Variants in HIP1 observed in about 807,000 individuals in gnomAD.
The protein encoded by HIP1 is huntingtin interacting protein 1.
In HIP1, 65 loss-of-function variants were observed where a neutral mutation model predicts 147.6. That is an observed-to-expected ratio of 0.44 (90% CI 0.36 to 0.54). The LOEUF (loss-of-function observed/expected upper bound fraction) is 0.54, where lower values mean the gene tolerates loss of function less well. HIP1 is among the 20% of genes least tolerant of loss of function. The pLI, the probability that HIP1 is intolerant of heterozygous loss-of-function variation, is 0.00. For missense variants in HIP1, 1,061 were observed against 1,299.6 expected (o/e 0.82, Z 2.82); for synonymous variants, 479 against 504.0 (o/e 0.95, Z 0.67).
At chr7:75,636,476 G>A (rs978931574) in intron 1 of HIP1, among the ~76,000 whole-genome samples, 2 of 152,330 alleles carry the variant, frequency 1.3e-5, no homozygotes, top group African/African-American at 2.4e-5. Context: ...GAAAGGCTGC[G>A]TTTGAGGTCA....
chr7:75,557,206 CTT>C (rs2116820125), intron 16 of HIP1, among the ~76,000 whole-genome samples: 1 of 151,848 alleles, frequency 6.6e-6, no homozygotes, highest in African/African-American at 2.4e-5. Flanking sequence ...ACCTGGCTAA[CTT>C]TTGTATTTTT....
intron 5 of HIP1, among the ~76,000 whole-genome samples, chr7:75,582,980 C>T (rs922203012): frequency 6.6e-6 from 1 of 152,136 alleles, no homozygotes; most frequent in Non-Finnish European, 1.5e-5. Context: ...CACCTCTACT[C>T]CATCCCCACT....
chr7:75,719,286 T>C (rs971413941), intron 1 of HIP1, among the ~76,000 whole-genome samples: 17 of 152,064 alleles, frequency 1.1e-4, no homozygotes, highest in South Asian at 8.3e-4. Flanking sequence ...GGGCGGATCA[T>C]GAGGTCAGGA....
rs143148414 is a variant in HIP1 at position 75,537,270 on chromosome 7, G to A, written c.*902C>T. 8 of 232,900 alleles carry A rather than the reference G, an allele frequency of 3.4e-5. No homozygotes were observed. Among genetic ancestry groups the A allele is most frequent in the Middle Eastern group, 1.3e-3 (1 of 784 alleles). The allele number at this position is 232,900 out of a possible 1,614,324, so 14.4% of individuals were successfully genotyped here. On this transcript the variant is annotated 3_prime_UTR_variant, in exon 31 of 31. Transcript: ENST00000336926. ...TAAAGGCGGACAGAGGCTTTCCGCC[G>A]GGATTCAGCTTTAGGAGGGAAAGGC...
chr7:75,724,095 T>A (rs1205230911), intron 1 of HIP1, among the ~76,000 whole-genome samples: 1 of 151,898 alleles, frequency 6.6e-6, no homozygotes, highest in Non-Finnish European at 1.5e-5. Flanking sequence ...TAGTTGGGAT[T>A]ACAGTTGTGA....
chr7:75,665,760 C>T (rs1160955745), intron 1 of HIP1, among the ~76,000 whole-genome samples: 3 of 151,930 alleles, frequency 2.0e-5, no homozygotes, highest in Admixed American at 2.0e-4. Context: ...AGGCTGGTCT[C>T]GAACTCCTGG....
rs114499713 is a variant in HIP1 at position 75,696,959 on chromosome 7, T to A, written c.120+41842A>T. Among the ~76,000 whole-genome samples, 1,137 of 151,390 alleles carry A rather than the reference T, an allele frequency of 7.5e-3. 14 individuals carry two copies. Among genetic ancestry groups the A allele is most frequent in the African/African-American group, 0.026 (1,058 of 41,216 alleles). On this transcript the variant is annotated intron_variant, in intron 1 of 30. Coordinates refer to ENST00000336926, the MANE Select transcript of HIP1 (RefSeq NM_005338.7). Reference sequence around the variant, plus strand: ...TTACAACTCACAGGTCCTCCCCCCATCCCAAAATGCTTCCTTCTGCCTTCC... The same window carrying A: ...TTACAACTCACAGGTCCTCCCCCCAACCCAAAATGCTTCCTTCTGCCTTCC...
At chr7:75,642,364 C>T (rs997597268) in intron 1 of HIP1, among the ~76,000 whole-genome samples, 9 of 152,088 alleles carry the variant, frequency 5.9e-5, no homozygotes, top group African/African-American at 1.2e-4. Flanking sequence ...ATGGTGAAAC[C>T]GTCTCTACTA....
intron 1 of HIP1, chr7:75,611,648 C>T (rs1393767465): frequency 1.6e-5 from 16 of 1,019,294 alleles, no homozygotes; most frequent in East Asian, 6.6e-5. Context: ...GCGGGCAGTG[C>T]GGGGCTGGGT....
At chr7:75,667,754 G>T (rs1554514748) in intron 1 of HIP1, among the ~76,000 whole-genome samples, 1 of 152,256 alleles carries the variant, frequency 6.6e-6, no homozygotes, top group Non-Finnish European at 1.5e-5. Context: ...GCCTCACAAA[G>T]TGCTGGGATT....
In HIP1 at chr7:75,681,889, G is replaced by C. The variant is rs971537938; in HGVS notation, c.120+56912C>G. 7.2e-5 allele frequency among the ~76,000 whole-genome samples: 11 copies of C among 151,938 alleles called. No homozygotes were observed. In the South Asian group the frequency reaches 2.1e-3, roughly 29 times the overall value. ...GCCAGACACATGAAGGTGGCATCTG[G>C]TCCTGTCGTGTCCACCCACCATCTC... On this transcript the variant is annotated intron_variant, in intron 1 of 30. Coordinates refer to ENST00000336926, the MANE Select transcript of HIP1 (RefSeq NM_005338.7).
chr7:75,717,909 G>A (rs1215304951), intron 1 of HIP1, among the ~76,000 whole-genome samples: 1 of 151,716 alleles, frequency 6.6e-6, no homozygotes, highest in Non-Finnish European at 1.5e-5. Context: ...GGTGGAAGCT[G>A]CAGTGAGCTG....
At chr7:75,660,617 G>A (rs1563275848) in intron 1 of HIP1, among the ~76,000 whole-genome samples, 1 of 152,154 alleles carries the variant, frequency 6.6e-6, no homozygotes, top group Non-Finnish European at 1.5e-5. Flanking sequence ...AGAGCAGGGA[G>A]GGAATGCAAC....
intron 1 of HIP1, among the ~76,000 whole-genome samples, chr7:75,621,358 G>A (rs114290872): frequency 3.1e-4 from 47 of 152,292 alleles, no homozygotes; most frequent in African/African-American, 1.1e-3. Flanking sequence ...TAGAGGCCTC[G>A]TGGCTCATGG....
rs1793985520 is a variant in HIP1, at chr7:75,533,785, A to G, written c.*4387T>C. 1 of 233,056 alleles carries G rather than the reference A, an allele frequency of 4.3e-6. No individual in the cohort carries two copies. Among genetic ancestry groups the G allele is most frequent in the Admixed American group, 5.6e-5 (1 of 17,766 alleles). 14.4% of individuals were successfully genotyped at this position (233,056 alleles called of 1,614,324 possible). ...CACCACGGTGTGGTGCTGATCTTGT[A>G]TTTGGTCTGGACCTGGGAGAGGAAG... On this transcript the variant is annotated 3_prime_UTR_variant, in exon 31 of 31. Coordinates refer to ENST00000336926, the MANE Select transcript of HIP1 (RefSeq NM_005338.7).
chr7:75,608,657 C>G (rs1797316645), intron 1 of HIP1, among the ~76,000 whole-genome samples: 1 of 152,140 alleles, frequency 6.6e-6, no homozygotes, highest in Non-Finnish European at 1.5e-5. Flanking sequence ...GACCAATGGG[C>G]AGAAGTCCAG....
intron 1 of HIP1, among the ~76,000 whole-genome samples, chr7:75,659,132 G>A (rs1799226530): frequency 6.6e-6 from 1 of 152,170 alleles, no homozygotes; most frequent in African/African-American, 2.4e-5. Context: ...AGGGTTGAAA[G>A]CTTTATGGCA....
chr7:75,620,625 G>A (rs1299299737), intron 1 of HIP1, among the ~76,000 whole-genome samples: 1 of 152,152 alleles, frequency 6.6e-6, no homozygotes, highest in Non-Finnish European at 1.5e-5. Flanking sequence ...GGCAGAGGTT[G>A]CAGCGAGCTG....
chr7:75,676,662 G>C (rs1181777702), intron 1 of HIP1, among the ~76,000 whole-genome samples: 2 of 151,798 alleles, frequency 1.3e-5, no homozygotes, highest in Non-Finnish European at 2.9e-5. Context: ...TGTAATCCCA[G>C]CTACACGGGA....
Sources: gnomAD v4.1 joint callset for allele counts (sites outside exome capture counted in the v4.1 genomes callset) on GRCh38, gnomAD v4.1.1 for gene constraint, MANE v1.5 for transcripts, NCBI Gene and HGNC (gene_info 2026-07-23, HGNC 2026-07-21) for gene names.